Variants in MUC12 observed in about 807,000 individuals in gnomAD.
MUC12 encodes the protein mucin-12.
In MUC12, 172 loss-of-function variants were observed where a neutral mutation model predicts 230.8. The ratio of observed to expected loss-of-function variants is 0.75; its 90% CI spans 0.66 to 0.85. The LOEUF is 0.85. Ranked by LOEUF, MUC12 falls within the 40% of genes least tolerant of loss-of-function variation. The probability of loss-of-function intolerance (pLI) is 0.00; values close to 1 mark genes in which losing one functional copy is unlikely to be tolerated. For missense variants in MUC12, 3,506 were observed against 5,920.6 expected, an observed-to-expected ratio of 0.59 and a Z score of 13.38; for synonymous variants, 1,259 against 2,401.9, an observed-to-expected ratio of 0.52 and a Z score of 13.91.
rs1251575834 is a variant in MUC12 at position 100,992,917 on chromosome 7, G to C, written c.2354G>C (p.Arg785Pro). ...ACGGGAACAATAGTCCTACCTGCCC[G>C]CTCCACAACCTCAGTTCTTCTTGGA... ...DATGTIVLPA[R>P]STTSVLLGES... Residue 785 changes from arginine (R) to proline (P), a missense_variant, in exon 2 of 12, where the codon CGC becomes CCC. Physicochemically the swap from Arg to Pro is moderately radical, Grantham distance 103. Transcript: ENST00000536621. 1 of 1,537,444 alleles carries C rather than the reference G, an allele frequency of 6.5e-7. No individual in the cohort carries two copies. Among genetic ancestry groups the C allele is most frequent in the Non-Finnish European group, 8.7e-7 (1 of 1,146,982 alleles).
chr7:100,985,321 A>G (rs1793171957), intron 1 of MUC12, among the ~76,000 whole-genome samples: 2 of 152,138 alleles, frequency 1.3e-5, no homozygotes, highest in African/African-American at 4.8e-5. Context: ...CAGTTTGTCC[A>G]TCTGGGTGGT....
At position 100,990,805 on chromosome 7, in the gene MUC12, C is replaced by G. The variant is rs896529157; in HGVS notation, c.242C>G (p.Ser81Ter). Residue 81 changes from serine (S) to a stop codon, truncating the protein, a stop_gained, in exon 2 of 12, where the codon TCA (serine) becomes TGA (stop). Coordinates refer to ENST00000536621, the MANE Select transcript of MUC12 (RefSeq NM_001164462.2). LOFTEE classifies it high-confidence loss of function. Reference sequence around the variant, plus strand: ...ACAAACTCAGGCCACAGTGAGGAATCAACAGTATCCCACAGCGGCCCAGGT... The same window carrying G: ...ACAAACTCAGGCCACAGTGAGGAATGAACAGTATCCCACAGCGGCCCAGGT... ...SSTNSGHSEESTVSHSGPGAT... is the reference protein window; with the variant it reads ...SSTNSGHSEE The G allele has an allele frequency of 6.5e-7, 1 of 1,537,838 alleles. No individual in the cohort carries two copies. Among genetic ancestry groups the G allele is most frequent in the African/African-American group, 1.4e-5 (1 of 73,140 alleles).
chr7:100,978,254 G>A (rs969335363), intron 1 of MUC12, among the ~76,000 whole-genome samples: 2 of 152,136 alleles, frequency 1.3e-5, no homozygotes, highest in Non-Finnish European at 2.9e-5. Context: ...GTGTGTGCAG[G>A]GGTTGGGGTG....
chr7:100,984,548 T>C (rs1793159683), intron 1 of MUC12, among the ~76,000 whole-genome samples: 1 of 152,040 alleles, frequency 6.6e-6, no homozygotes, highest in Non-Finnish European at 1.5e-5. Context: ...TGAGCCACCA[T>C]GCCCGACCAC....
At chr7:101,013,648 C>T (rs181777886) in intron 8 of MUC12, among the ~76,000 whole-genome samples, 151 of 152,236 alleles carry the variant, frequency 9.9e-4, no homozygotes, top group Non-Finnish European at 1.8e-3. Flanking sequence ...GTGAATGGTA[C>T]GTGTCTGGGA....
intron 3 of MUC12, among the ~76,000 whole-genome samples, chr7:101,008,427 C>G (rs1793790088): frequency 6.6e-6 from 1 of 152,162 alleles, no homozygotes; most frequent in South Asian, 2.1e-4. Context: ...CACCTGCCCC[C>G]CTCATCAAAG....
rs1162202722 is a variant in MUC12, at chr7:101,005,092, G to C, written c.14529G>C (p.Val4843=). 1 of 1,537,824 alleles carries C rather than the reference G, an allele frequency of 6.5e-7. No individual in the cohort carries two copies. Among genetic ancestry groups the C allele is most frequent in the African/African-American group, 1.4e-5 (1 of 73,118 alleles). Residue 4843 remains valine, a synonymous_variant, in exon 2 of 12, where the codon GTG becomes GTC. Transcript: ENST00000536621. ...CAGTGTCACCTGCCAGCACCACAGT[G>C]CCAGGCCTTAGTGAGGAATCTACCA... is the stretch of plus-strand genomic sequence containing the variant. ...LSTVSPASTT[V]PGLSEESTTF...
intron 2 of MUC12, 125 bp from the exon 3 acceptor site, chr7:101,006,345 CT>C: frequency 1.5e-6 from 1 of 666,432 alleles, no homozygotes; most frequent in Non-Finnish European, 2.7e-6. Context: ...ATCTTCATTG[CT>C]GTGCGGTCAT....
At chr7:100,981,017 G>A (rs943328534) in intron 1 of MUC12, among the ~76,000 whole-genome samples, 5 of 152,088 alleles carry the variant, frequency 3.3e-5, no homozygotes, top group African/African-American at 1.2e-4. Context: ...ACATGAAAAG[G>A]CCCCAACCAA....
In MUC12 at chr7:101,018,642, C is replaced by A; in HGVS notation, c.*6C>A. The A allele has an allele frequency of 2.0e-6, 3 of 1,535,354 alleles. No homozygotes were observed. Among genetic ancestry groups the A allele is most frequent in the Non-Finnish European group, 1.7e-6 (2 of 1,145,874 alleles). Reference sequence around the variant, plus strand: ...TGGTAGCATCCACTGTGTGAGCCAACGGGGGCCTCCCACCCTCATCTAGCT... The same window carrying A: ...TGGTAGCATCCACTGTGTGAGCCAAAGGGGGCCTCCCACCCTCATCTAGCT... On this transcript the variant is annotated 3_prime_UTR_variant, in exon 12 of 12. Coordinates refer to ENST00000536621, the MANE Select transcript of MUC12 (RefSeq NM_001164462.2).
At position 101,005,312 on chromosome 7, in the gene MUC12, A is replaced by G. The variant is rs1793726484; in HGVS notation, c.14749A>G (p.Thr4917Ala). Residue 4917 changes from threonine (T) to alanine (A), a missense_variant, in exon 2 of 12, where the codon ACA becomes GCA. Thr to Ala is a moderately conservative substitution (Grantham distance 58). Coordinates refer to ENST00000536621, the MANE Select transcript of MUC12 (RefSeq NM_001164462.2). ...CCACAGCAGCTCAGACGCAACTGGA[A>G]CAACACCCTTACCTGCCCGCTCCAC... is the stretch of plus-strand genomic sequence containing the variant. ...AFHSSSDATG[T>A]TPLPARSTAS... is the part of the protein sequence containing the mutation. The G allele has an allele frequency of 6.5e-7, 1 of 1,537,820 alleles. No homozygotes were observed. The highest frequency in any genetic ancestry group is 8.7e-7 in the Non-Finnish European group (1 of 1,147,070).
chr7:100,995,630 C>T lies in MUC12; in HGVS notation c.5067C>T (p.Phe1689=), dbSNP rs1293469668. 6.5e-6 allele frequency: 10 copies of T among 1,537,010 alleles called. No homozygotes were observed. Among genetic ancestry groups the T allele is most frequent in the Admixed American group, 3.9e-5 (2 of 50,958 alleles). ...CACGTCAGGGAGAATCTACCACCTT[C>T]CAGAGCTGGCCAAGCTCAAAGGACA... is the stretch of plus-strand genomic sequence containing the variant. ...STTRQGESTT[F]QSWPSSKDTM... is the part of the protein sequence containing the mutation. Residue 1689 remains phenylalanine (F), a synonymous_variant, in exon 2 of 12, where the codon TTC becomes TTT. Transcript: ENST00000536621.
In MUC12 at chr7:100,991,383, G is replaced by C. The variant is rs1175850405; in HGVS notation, c.820G>C (p.Glu274Gln). 12 of 1,537,704 alleles carry C rather than the reference G, an allele frequency of 7.8e-6. No homozygotes were observed. In the South Asian group the frequency reaches 1.2e-4, roughly 15 times the overall value. ...SPSSSTTHEG[E>Q]PTTFQSWPSS... The stretch of plus-strand genomic sequence containing the variant: ...TTCCAGCTCTACAACCCATGAGGGA[G>C]AACCTACCACCTTCCAGAGCTGGCC... Residue 274 changes from glutamate (E) to glutamine (Q), a missense_variant, in exon 2 of 12, where the codon GAA becomes CAA. Transcript: ENST00000536621.
chr7:100,986,109 C>T (rs1793184760), intron 1 of MUC12, among the ~76,000 whole-genome samples: 1 of 152,182 alleles, frequency 6.6e-6, no homozygotes, highest in African/African-American at 2.4e-5. Flanking sequence ...CCTGTAATCC[C>T]AGCCCTTTGG....
At chr7:101,008,330 T>C (rs1280739787) in intron 3 of MUC12, among the ~76,000 whole-genome samples, 1 of 151,640 alleles carries the variant, frequency 6.6e-6, no homozygotes, top group Non-Finnish European at 1.5e-5. Context: ...CTCACTTTGT[T>C]GCCCAGGTAG....
chr7:100,995,588 C>A lies in MUC12; in HGVS notation c.5025C>A (p.Ser1675=), dbSNP rs780753423. ...SSTGSPHTTL[S]PAGSTTRQGE... ...CTGGATCGCCACACACAACACTGTC[C>A]CCTGCCGGCTCTACAACACGTCAGG... The change falls in exon 2 of 12, where the codon TCC becomes TCA. Residue 1675 remains serine, a synonymous_variant. Transcript: ENST00000536621. 1.3e-6 allele frequency: 2 copies of A among 1,536,934 alleles called. No individual in the cohort carries two copies. The highest frequency in any genetic ancestry group is 2.4e-5 in the South Asian group (2 of 84,046).
In MUC12 at chr7:100,995,704, C is replaced by G. The variant is rs1584835625; in HGVS notation, c.5141C>G (p.Thr1714Arg). 6.5e-7 allele frequency: 1 copy of G among 1,537,020 alleles called. No homozygotes were observed. Among genetic ancestry groups the G allele is most frequent in the African/African-American group, 1.4e-5 (1 of 72,438 alleles). Residue 1714 changes from threonine to arginine, a missense_variant, in exon 2 of 12, where the codon ACA (threonine) becomes AGA (arginine). Transcript: ENST00000536621. ...TTTSAFVELS[T>R]TSHGSPSSTP... ...ACATCAGCCTTTGTTGAGCTATCTA[C>G]AACCTCCCACGGCAGCCCGAGCTCA...
Position 100,991,042 on chromosome 7 carries a change from G to A in MUC12, c.479G>A (p.Gly160Asp). ...TCACCTGCCCGCACGACAAGCTCAG[G>A]CGTCAGTGAAAAATCAACCACCTCC... is the stretch of plus-strand genomic sequence containing the variant. Reference protein sequence around the residue: ...TLSPARTTSSGVSEKSTTSHS... With the variant: ...TLSPARTTSSDVSEKSTTSHS... Residue 160 changes from glycine (G) to aspartate (D), a missense_variant, in exon 2 of 12, where the codon GGC (glycine) becomes GAC (aspartate). Transcript: ENST00000536621. 1 of 1,537,582 alleles carries A rather than the reference G, an allele frequency of 6.5e-7. No homozygotes were observed. Among genetic ancestry groups the A allele is most frequent in the Non-Finnish European group, 8.7e-7 (1 of 1,146,892 alleles).
chr7:100,970,549 AG>A (rs1190397256), intron 1 of MUC12, among the ~76,000 whole-genome samples: 17 of 152,010 alleles, frequency 1.1e-4, no homozygotes, highest in Admixed American at 9.2e-4. Flanking sequence ...AAGAAAAAAA[AG>A]AAAGGAAGAA....
Sources: gnomAD v4.1 joint callset for allele counts (sites outside exome capture counted in the v4.1 genomes callset) on GRCh38, gnomAD v4.1.1 for gene constraint, MANE v1.5 for transcripts, NCBI Gene and HGNC (gene_info 2026-07-23, HGNC 2026-07-21) for gene names.